GK: variants seen among roughly 807,000 people sequenced by gnomAD.
GK encodes the protein ATP:glycerol 3-phosphotransferase.
Under a neutral mutation model 56.4 loss-of-function variants are expected in GK, and 9 were observed. That is an observed-to-expected ratio of 0.16 (90% CI 0.10 to 0.28). The LOEUF (loss-of-function observed/expected upper bound fraction) is 0.28. Ranked by LOEUF, GK falls within the 10% of genes least tolerant of loss-of-function variation. The pLI, the probability that GK is intolerant of heterozygous loss-of-function variation, is 1.00. For missense variants in GK, 161 were observed against 431.4 expected (o/e 0.37, Z 5.55); for synonymous variants, 104 against 144.1 (o/e 0.72, Z 1.99).
chrX:30,706,338 G>A (rs886671094), intron 11 of GK, among the ~76,000 whole-genome samples: 4 of 112,253 alleles, frequency 3.6e-5, no homozygotes, highest in African/African-American at 9.7e-5. Flanking sequence ...GATCTGTTGA[G>A]TTAGTGCTGA....
chrX:30,706,817 C>T (rs770466882), intron 11 of GK, among the ~76,000 whole-genome samples: 3 of 111,527 alleles, frequency 2.7e-5, no homozygotes, highest in Non-Finnish European at 5.6e-5. Context: ...TGTATCCAGC[C>T]TCCCCACCCT....
intron 11 of GK, among the ~76,000 whole-genome samples, chrX:30,703,731 C>A (rs1935817513): frequency 9.0e-6 from 1 of 110,923 alleles, no homozygotes; most frequent in African/African-American, 3.3e-5. Context: ...GAGGCCAAGG[C>A]AGGTGGATCA....
intron 1 of GK, among the ~76,000 whole-genome samples, chrX:30,662,859 T>C (rs1486477823): frequency 9.6e-5 from 5 of 51,985 alleles, no homozygotes; most frequent in African/African-American, 3.9e-4. Context: ...CTTTCTTTCT[T>C]TCTTTCTTTC....
chrX:30,719,741 G>A (rs982973007), intron 15 of GK, among the ~76,000 whole-genome samples: 5 of 112,157 alleles, frequency 4.5e-5, no homozygotes, highest in Non-Finnish European at 7.5e-5. Flanking sequence ...TCTTCATGAT[G>A]TCTGTAAGTT....
chrX:30,707,519 A>C, intron 11 of GK, 37 bp from the exon 12 acceptor site: 2 of 850,630 alleles, frequency 2.4e-6, no homozygotes, highest in Non-Finnish European at 3.5e-6. Flanking sequence ...TGCTTTCAAT[A>C]AAATTGTCTT....
At chrX:30,698,753 C>G (rs1935382453) in intron 9 of GK, among the ~76,000 whole-genome samples, 1 of 103,553 alleles carries the variant, frequency 9.7e-6, no homozygotes, top group African/African-American at 3.5e-5. Context: ...GTATTCCCAG[C>G]TACTCGGGAG....
intron 13 of GK, 111 bp downstream of exon 13, chrX:30,708,245 G>A: frequency 2.1e-6 from 1 of 472,956 alleles, no homozygotes; most frequent in African/African-American, 2.4e-5. Context: ...GACTCAAAAA[G>A]TTCTGCTTTC....
At chrX:30,686,149 A>T (rs773203275) in intron 4 of GK, among the ~76,000 whole-genome samples, 1 of 112,641 alleles carries the variant, frequency 8.9e-6, no homozygotes, top group Non-Finnish European at 1.9e-5. Flanking sequence ...TTTGGCATAT[A>T]TGTAAATCAA....
chrX:30,687,336 A>G (rs1445720076), intron 4 of GK, among the ~76,000 whole-genome samples: 1 of 111,584 alleles, frequency 9.0e-6, no homozygotes, highest in Non-Finnish European at 1.9e-5. Flanking sequence ...TTATTGAATC[A>G]GAGATTCATA....
rs34172820 is a variant in GK, at chrX:30,670,598, ATT to A, written c.259+2490_259+2491del. ...TCCTCCATACCAGGCCAGTTGTACT[ATT>A]TTTTTTTTTCCCAGAAAATTTATCC... is the stretch of plus-strand genomic sequence containing the variant. On this transcript the variant is annotated intron_variant, in intron 3 of 20. Transcript: ENST00000427190. Among the ~76,000 whole-genome samples, 20,738 of 106,195 alleles carry A rather than the reference ATT, an allele frequency of 0.2. 1,646 individuals are homozygous for A. Among genetic ancestry groups the A allele is most frequent in the Admixed American group, 0.27 (2,695 of 9,889 alleles). 92.2% of individuals were successfully genotyped at this position (106,195 alleles called of 115,157 possible). A position where few individuals can be genotyped will look rare whatever the true frequency, so the allele number is the denominator to read the frequency against.
At chrX:30,693,369 T>C (rs915632678) in intron 5 of GK, among the ~76,000 whole-genome samples, 1 of 111,174 alleles carries the variant, frequency 9.0e-6, no homozygotes, top group Non-Finnish European at 1.9e-5. Context: ...TAGTGTTTAA[T>C]ATACTAACCA....
intron 13 of GK, among the ~76,000 whole-genome samples, chrX:30,710,182 A>T (rs1936248197): frequency 9.0e-6 from 1 of 111,718 alleles, no homozygotes; most frequent in Non-Finnish European, 1.9e-5. Flanking sequence ...GTAACTTTTG[A>T]CAACAGTAAG....
chrX:30,727,933 C>T (rs1937211805), intron 20 of GK, among the ~76,000 whole-genome samples: 1 of 111,590 alleles, frequency 9.0e-6, no homozygotes, highest in South Asian at 3.7e-4. Context: ...TTTTCATAAT[C>T]CTGAAAATTT....
At chrX:30,664,494 G>A (rs1036291374) in intron 1 of GK, among the ~76,000 whole-genome samples, 2 of 108,727 alleles carry the variant, frequency 1.8e-5, no homozygotes, top group Non-Finnish European at 3.8e-5. Context: ...CACCACGCCC[G>A]GCAAAACTTG....
chrX:30,718,481 TA>T (rs1359483004), intron 13 of GK, 56 bp from the exon 14 acceptor site: 173 of 810,695 alleles, frequency 2.1e-4, no homozygotes, highest in Non-Finnish European at 1.3e-4. Context: ...ATATGCTCAA[TA>T]AAAACCTTGG....
intron 5 of GK, among the ~76,000 whole-genome samples, chrX:30,692,730 G>C (rs1935023588): frequency 9.1e-6 from 1 of 109,956 alleles, no homozygotes; most frequent in South Asian, 3.8e-4. Context: ...AAAATGCTGG[G>C]TTTACAGACG....
Position 30,720,074 on chromosome X carries a change from T to C in GK, c.1215T>C (p.Ala405=), listed in dbSNP as rs892277473. ...ATATTGCTTTTGCTGCATTAGAAGC[T>C]GTTTGTTTCCAAACTCGAGAGGTAA... is the stretch of plus-strand genomic sequence containing the variant. ...KCHIAFAALE[A]VCFQTREILD... is the part of the protein sequence containing the mutation. The change falls in exon 16 of 21, where the codon GCT becomes GCC. Residue 405 remains alanine, a synonymous_variant. Transcript: ENST00000427190. The C allele has an allele frequency of 5.1e-6, 6 of 1,185,268 alleles. No homozygotes were observed. The highest frequency in any genetic ancestry group is 6.9e-6 in the Non-Finnish European group (6 of 872,345).
At chrX:30,704,603 C>A (rs773310707) in intron 11 of GK, among the ~76,000 whole-genome samples, 1 of 105,842 alleles carries the variant, frequency 9.4e-6, no homozygotes, top group African/African-American at 3.5e-5. Flanking sequence ...GATGGAGTCT[C>A]GCTCTGTCAC....
chrX:30,685,896 G>A (rs1934579636), intron 4 of GK, among the ~76,000 whole-genome samples: 1 of 97,108 alleles, frequency 1.0e-5, no homozygotes, highest in Admixed American at 1.1e-4. Flanking sequence ...GTTAATCCAT[G>A]TAGGATACTT....
Sources: gnomAD v4.1 joint callset for allele counts (sites outside exome capture counted in the v4.1 genomes callset) on GRCh38, gnomAD v4.1.1 for gene constraint, MANE v1.5 for transcripts, NCBI Gene and HGNC (gene_info 2026-07-23, HGNC 2026-07-21) for gene names.